The following SMAD2 variants were observed in gnomAD, a reference collection of about 807,000 sequenced individuals.
SMAD2 encodes SMAD family member 2, also known as MAD homolog 2.
A neutral mutation model predicts 64.4 loss-of-function variants in SMAD2; 8 were observed. That is an observed-to-expected ratio of 0.12 (90% CI 0.07 to 0.22). The LOEUF is 0.22. Among genes scored for constraint, SMAD2 ranks in the 10% least tolerant of loss-of-function variants. The probability of loss-of-function intolerance (pLI) is 1.00; values close to 1 mark genes in which losing one functional copy is unlikely to be tolerated. For missense variants in SMAD2, 289 were observed against 561.2 expected, an observed-to-expected ratio of 0.51 and a Z score of 4.90; for synonymous variants, 203 against 195.8, an observed-to-expected ratio of 1.04 and a Z score of -0.31.
At position 47,837,344 on chromosome 18, in the gene SMAD2, C is replaced by T. The variant is rs761457076; in HGVS notation, c.*4483G>A. ...TTGGGAAGCCGAGGTGGACAGATCACGAGGTCAGGAGATCGAGACCATCCT... is the reference window on the plus strand; with the variant it reads ...TTGGGAAGCCGAGGTGGACAGATCATGAGGTCAGGAGATCGAGACCATCCT... On this transcript the variant is annotated 3_prime_UTR_variant, in exon 11 of 11. Transcript: ENST00000262160. The T allele has an allele frequency of 1.9e-4, 37 of 189,902 alleles. No homozygotes were observed. The highest frequency in any genetic ancestry group is 3.4e-4 in the Non-Finnish European group (31 of 90,772). The allele number at this position is 189,902 out of a possible 1,614,324, so 11.8% of individuals were successfully genotyped here.
At chr18:47,900,163 T>G (rs2033626750) in intron 1 of SMAD2, among the ~76,000 whole-genome samples, 1 of 152,194 alleles carries the variant, frequency 6.6e-6, no homozygotes, top group Non-Finnish European at 1.5e-5. Context: ...ATTTTAATGA[T>G]GTATTTAACC....
chr18:47,845,289 T>G, intron 10 of SMAD2, 51 bp downstream of exon 10: 1 of 1,519,252 alleles, frequency 6.6e-7, no homozygotes, highest in Non-Finnish European at 9.1e-7. Context: ...AAGAATGCAA[T>G]GAAACATAAT....
chr18:47,880,822 C>T (rs1314789176), intron 2 of SMAD2, among the ~76,000 whole-genome samples: 1 of 151,840 alleles, frequency 6.6e-6, no homozygotes, highest in Non-Finnish European at 1.5e-5. Flanking sequence ...CAAACTCTGT[C>T]CTGGAGCAAT....
chr18:47,914,342 T>C (rs944955385), intron 1 of SMAD2, among the ~76,000 whole-genome samples: 1 of 152,182 alleles, frequency 6.6e-6, no homozygotes, highest in Non-Finnish European at 1.5e-5. Flanking sequence ...CCTCTAAATA[T>C]AGTAGGAAAC....
rs1912667568 is a variant in SMAD2 at position 47,824,151 on chromosome 18, T to C, written c.*17676A>G. The C allele has an allele frequency of 6.6e-6, 1 of 152,180 alleles. No individual in the cohort carries two copies. The highest frequency in any genetic ancestry group is 1.5e-5 in the Non-Finnish European group (1 of 68,042). 9.4% of individuals were successfully genotyped at this position (152,180 alleles called of 1,614,324 possible). ...CAAAGCCTAACTACAAGATGATTCA[T>C]CATAGATACTTTCGGAAAAACATCT... On this transcript the variant is annotated 3_prime_UTR_variant, in exon 11 of 11. Coordinates refer to ENST00000262160, the MANE Select transcript of SMAD2 (RefSeq NM_005901.6).
rs903224369 is a variant in SMAD2 at position 47,839,261 on chromosome 18, C to T, written c.*2566G>A. 8.6e-6 allele frequency: 2 copies of T among 233,248 alleles called. No homozygotes were observed. Among genetic ancestry groups the T allele is most frequent in the African/African-American group, 4.4e-5 (2 of 45,322 alleles). The allele number at this position is 233,248 out of a possible 1,614,324, so 14.4% of individuals were successfully genotyped here. ...AACAGCATAGTAGGCACTGCTTGAC[C>T]TAACACAGTAATGCAAGAGTAACCA... On this transcript the variant is annotated 3_prime_UTR_variant, in exon 11 of 11. Coordinates refer to ENST00000262160, the MANE Select transcript of SMAD2 (RefSeq NM_005901.6).
At chr18:47,906,770 C>T (rs935559663) in intron 1 of SMAD2, among the ~76,000 whole-genome samples, 1 of 152,062 alleles carries the variant, frequency 6.6e-6, no homozygotes, top group African/African-American at 2.4e-5. Flanking sequence ...TTAGCTTGTG[C>T]TCCCTTCCCT....
chr18:47,850,586 T>A, intron 7 of SMAD2, among the ~76,000 whole-genome samples: 1 of 59,578 alleles, frequency 1.7e-5, no homozygotes, highest in African/African-American at 8.2e-5. Flanking sequence ...ATATTATATA[T>A]ATATTATATA....
Position 47,873,993 on chromosome 18 carries a change from T to C in SMAD2, c.237-3429A>G, listed in dbSNP as rs564887148. On this transcript the variant is annotated intron_variant, in intron 2 of 10. Transcript: ENST00000262160. ...AGGCACAAGGGAAAAACATCAACAA[T>C]GTGACTGTGAACTCTGCCCAAACTC... Among the ~76,000 whole-genome samples, 45 of 152,266 alleles carry C rather than the reference T, an allele frequency of 3.0e-4. No homozygotes were observed. The South Asian group carries it at 9.1e-3, about 31-fold the overall frequency.
intron 8 of SMAD2, among the ~76,000 whole-genome samples, chr18:47,847,317 A>G (rs1914595328): frequency 6.6e-6 from 1 of 152,184 alleles, no homozygotes. Flanking sequence ...ATTTTGCAGT[A>G]TCAAAATCAC....
rs778891559 is a variant in SMAD2, at chr18:47,842,316, C to T, written c.1281-366G>A. Among the ~76,000 whole-genome samples the T allele has an allele frequency of 2.6e-5, 4 of 152,072 alleles. 1 individual carries two copies. The highest frequency in any genetic ancestry group is 4.1e-4 in the South Asian group (2 of 4,820). On this transcript the variant is annotated intron_variant, in intron 10 of 10. Coordinates refer to ENST00000262160, the MANE Select transcript of SMAD2 (RefSeq NM_005901.6). ...CAGCACTTTGGGAGGCCGAGGCAGG[C>T]GGATCACAAGGTCAAGAGATTGAGA...
At chr18:47,889,279 T>G (rs576585724) in intron 2 of SMAD2, among the ~76,000 whole-genome samples, 27 of 152,206 alleles carry the variant, frequency 1.8e-4, no homozygotes, top group African/African-American at 6.3e-4. Flanking sequence ...CTTTGGATAG[T>G]GATACATTTA....
At chr18:47,914,224 C>A (rs2034250015) in intron 1 of SMAD2, among the ~76,000 whole-genome samples, 1 of 152,170 alleles carries the variant, frequency 6.6e-6, no homozygotes, top group Non-Finnish European at 1.5e-5. Flanking sequence ...ATCTCCAAAT[C>A]CTTAGAATGA....
intron 7 of SMAD2, among the ~76,000 whole-genome samples, chr18:47,849,270 A>G (rs1484338612): frequency 1.3e-5 from 2 of 152,174 alleles, no homozygotes; most frequent in Admixed American, 1.3e-4. Flanking sequence ...AGATCATGCA[A>G]GTAGAAACAG....
chr18:47,857,718 T>C (rs1182928716), intron 6 of SMAD2, among the ~76,000 whole-genome samples: 2 of 152,162 alleles, frequency 1.3e-5, no homozygotes, highest in African/African-American at 4.8e-5. Context: ...AGGACTGAGC[T>C]TGCCAAAGGA....
intron 1 of SMAD2, among the ~76,000 whole-genome samples, chr18:47,924,969 TAA>T (rs1337089473): frequency 1.3e-5 from 2 of 152,206 alleles, no homozygotes; most frequent in African/African-American, 4.8e-5. Context: ...TTTTTTGACT[TAA>T]GAGACTCAAA....
chr18:47,929,389 G>T (rs891221487), intron 1 of SMAD2, among the ~76,000 whole-genome samples: 1 of 152,090 alleles, frequency 6.6e-6, no homozygotes, highest in Non-Finnish European at 1.5e-5. Context: ...GAGAGAAAAA[G>T]AATTTTGGAA....
chr18:47,859,856 A>G (rs957882726), intron 6 of SMAD2, among the ~76,000 whole-genome samples: 1 of 152,238 alleles, frequency 6.6e-6, no homozygotes, highest in Non-Finnish European at 1.5e-5. Flanking sequence ...TCAAATTACT[A>G]ACATTATAAA....
chr18:47,878,929 G>A (rs368679930), intron 2 of SMAD2, among the ~76,000 whole-genome samples: 2 of 152,128 alleles, frequency 1.3e-5, no homozygotes, highest in African/African-American at 2.4e-5. Flanking sequence ...AAATAAGGGT[G>A]TATGTGGGCA....
Sources: gnomAD v4.1 joint callset for allele counts (sites outside exome capture counted in the v4.1 genomes callset) on GRCh38, gnomAD v4.1.1 for gene constraint, MANE v1.5 for transcripts, NCBI Gene and HGNC (gene_info 2026-07-23, HGNC 2026-07-21) for gene names.